The following MBOAT1 variants were observed in gnomAD, a reference collection of about 807,000 sequenced individuals.
MBOAT1 encodes membrane-bound glycerophospholipid O-acyltransferase 1.
MBOAT1 carries 67 observed loss-of-function variants against 64.4 expected under a neutral mutation model. That is an observed-to-expected ratio of 1.04 (90% confidence interval 0.85 to 1.27). The LOEUF (loss-of-function observed/expected upper bound fraction) is 1.27. Ranked by LOEUF, MBOAT1 falls within the 50% of genes most tolerant of loss-of-function variation. The probability of loss-of-function intolerance (pLI) is 0.00; values close to 1 mark genes in which losing one functional copy is unlikely to be tolerated. For missense variants in MBOAT1, 563 were observed against 604.6 expected (o/e 0.93, Z 0.72); for synonymous variants, 229 against 218.9 (o/e 1.05, Z -0.41).
At chr6:20,107,828 A>G (rs1323457620) in intron 12 of MBOAT1, among the ~76,000 whole-genome samples, 4 of 152,086 alleles carry the variant, frequency 2.6e-5, no homozygotes, top group Admixed American at 6.5e-5. Context: ...TAGATAATTC[A>G]AAACCTAGGA....
chr6:20,103,078 A>G (rs1040793903), intron 12 of MBOAT1, among the ~76,000 whole-genome samples: 1 of 152,212 alleles, frequency 6.6e-6, no homozygotes, highest in African/African-American at 2.4e-5. Context: ...TTATTTTGGC[A>G]TATACTCCTT....
rs143839528 is a variant in MBOAT1 at position 20,151,554 on chromosome 6, G to A, written c.246-292C>T. Among the ~76,000 whole-genome samples the A allele has an allele frequency of 2.9e-3, 440 of 152,328 alleles. 2 individuals are homozygous for A. The highest frequency in any genetic ancestry group is 0.01 in the African/African-American group (423 of 41,572). ...TGCAATTGAGAGTCCAGAGAGATGA[G>A]TTCTTTCTTTAAGACTTTATTTTTT... On this transcript the variant is annotated intron_variant, in intron 2 of 12. Transcript: ENST00000324607.
chr6:20,105,830 AG>A (rs749440795), intron 12 of MBOAT1, among the ~76,000 whole-genome samples: 21 of 152,264 alleles, frequency 1.4e-4, no homozygotes, highest in Admixed American at 3.3e-4. Flanking sequence ...ACTGAATTTA[AG>A]AAAGAGTTAT....
chr6:20,115,447 GTA>G, intron 9 of MBOAT1, 95 bp from the exon 10 acceptor site: 3 of 947,416 alleles, frequency 3.2e-6, no homozygotes, highest in Non-Finnish European at 3.4e-6. Context: ...GTTAGATACT[GTA>G]TTTCAATAGT....
intron 7 of MBOAT1, 49 bp downstream of exon 7, chr6:20,126,468 G>C: frequency 6.8e-7 from 1 of 1,480,892 alleles, no homozygotes; most frequent in Non-Finnish European, 9.2e-7. Context: ...TTATTAGAGA[G>C]AGTCAACCCT....
chr6:20,108,606 G>A (rs1271468319), intron 12 of MBOAT1, among the ~76,000 whole-genome samples: 1 of 152,172 alleles, frequency 6.6e-6, no homozygotes, highest in Non-Finnish European at 1.5e-5. Flanking sequence ...CGGCTATAGG[G>A]AATTCCCAAC....
intron 1 of MBOAT1, among the ~76,000 whole-genome samples, chr6:20,178,942 T>C (rs1020046783): frequency 1.3e-4 from 20 of 150,994 alleles, no homozygotes; most frequent in African/African-American, 4.6e-4. Flanking sequence ...GTTTTTTTTT[T>C]TCCAACTTTT....
chr6:20,125,614 C>G (rs922354330), intron 7 of MBOAT1, among the ~76,000 whole-genome samples: 1 of 152,188 alleles, frequency 6.6e-6, no homozygotes, highest in Non-Finnish European at 1.5e-5. Flanking sequence ...ACAGATACTG[C>G]CTAGAAATGC....
chr6:20,111,835 CACATATATATACATATATATAT>C (rs1190757307), intron 11 of MBOAT1, among the ~76,000 whole-genome samples: 3 of 86,788 alleles, frequency 3.5e-5, no homozygotes, highest in African/African-American at 8.2e-5. Context: ...CATATATATA[CACATATATATACATATATATAT>C]ACATATATAT....
chr6:20,111,423 G>A (rs1442671714), intron 11 of MBOAT1, among the ~76,000 whole-genome samples: 1 of 152,102 alleles, frequency 6.6e-6, no homozygotes, highest in Non-Finnish European at 1.5e-5. Context: ...TGACTGTTGA[G>A]TTCAATCTCC....
Position 20,152,731 on chromosome 6 carries a change from A to T in MBOAT1, c.138T>A (p.Ala46=), listed in dbSNP as rs999008375. Residue 46 remains alanine, a synonymous_variant, in exon 2 of 13, where the codon GCT becomes GCA. Coordinates refer to ENST00000324607, the MANE Select transcript of MBOAT1 (RefSeq NM_001080480.3). ...FVVCQLVALF[A]AFWFRIYLRP... is the part of the protein sequence containing the mutation. Reference sequence around the variant, plus strand: ...GTAAGTAGATGCGAAACCAGAAAGCAGCAAACAGAGCAACAAGCTGGCATA... The same window carrying T: ...GTAAGTAGATGCGAAACCAGAAAGCTGCAAACAGAGCAACAAGCTGGCATA... The T allele has an allele frequency of 6.2e-7, 1 of 1,612,458 alleles. No homozygotes were observed. Among genetic ancestry groups the T allele is most frequent in the Non-Finnish European group, 8.5e-7 (1 of 1,178,810 alleles).
chr6:20,202,290 A>G (rs1334744216), intron 1 of MBOAT1, among the ~76,000 whole-genome samples: 1 of 152,204 alleles, frequency 6.6e-6, no homozygotes, highest in Non-Finnish European at 1.5e-5. Flanking sequence ...TTGAACACAA[A>G]CTTTTCAAAT....
intron 1 of MBOAT1, among the ~76,000 whole-genome samples, chr6:20,172,918 A>C (rs1361257421): frequency 1.3e-5 from 2 of 151,836 alleles, no homozygotes; most frequent in Admixed American, 1.3e-4. Context: ...GCCTGGTGGG[A>C]GGTGGCTGGA....
At chr6:20,163,116 T>C (rs1269054261) in intron 1 of MBOAT1, among the ~76,000 whole-genome samples, 2 of 152,350 alleles carry the variant, frequency 1.3e-5, no homozygotes, top group East Asian at 3.9e-4. Flanking sequence ...GCTGTCTCTT[T>C]AGGCTTCGAG....
chr6:20,157,566 A>G (rs925999854), intron 1 of MBOAT1, among the ~76,000 whole-genome samples: 1 of 152,160 alleles, frequency 6.6e-6, no homozygotes, highest in African/African-American at 2.4e-5. Context: ...CTACCTACGT[A>G]CACTCACATA....
rs558416105 is a variant in MBOAT1, at chr6:20,128,854, G to C, written c.476-101C>G. On this transcript the variant is annotated intron_variant, in intron 5 of 12. Transcript: ENST00000324607. ...AAGTCATTTGAACCAGGTAATCTTTGTTTGCTTCATAAATCATAAAGAGTT... is the reference window on the plus strand; with the variant it reads ...AAGTCATTTGAACCAGGTAATCTTTCTTTGCTTCATAAATCATAAAGAGTT... 7 of 796,022 alleles carry C rather than the reference G, an allele frequency of 8.8e-6. No individual in the cohort carries two copies. In the South Asian group the frequency reaches 1.1e-4, roughly 13 times the overall value. The allele number at this position is 796,022 out of a possible 1,614,324, so 49.3% of individuals were successfully genotyped here.
At chr6:20,131,092 C>T in intron 5 of MBOAT1, 52 bp downstream of exon 5, 1 of 1,464,324 alleles carries the variant, frequency 6.8e-7, no homozygotes, top group South Asian at 1.1e-5. Flanking sequence ...AAAAGAAGAG[C>T]TCTGCATGTC....
chr6:20,180,470 AC>A (rs1400767479), intron 1 of MBOAT1, among the ~76,000 whole-genome samples: 2 of 151,884 alleles, frequency 1.3e-5, no homozygotes, highest in African/African-American at 4.8e-5. Flanking sequence ...CTGAGGGCCT[AC>A]CCAGTGGGGA....
chr6:20,202,568 C>A (rs897246014), intron 1 of MBOAT1, among the ~76,000 whole-genome samples: 6 of 149,902 alleles, frequency 4.0e-5, no homozygotes, highest in African/African-American at 1.5e-4. Flanking sequence ...AACAGAGCTC[C>A]ACTAATACAA....
Sources: allele counts gnomAD v4.1 joint callset (sites outside exome capture counted in the v4.1 genomes callset), GRCh38; gene constraint gnomAD v4.1.1; transcripts MANE v1.5; gene names NCBI Gene and HGNC (gene_info 2026-07-23, HGNC 2026-07-21).